Variants in RBFOX1 observed in about 807,000 individuals in gnomAD.
The protein encoded by RBFOX1 is RNA binding protein fox-1 homolog 1.
In RBFOX1, 8 loss-of-function variants were observed where a neutral mutation model predicts 57.7. The observed-to-expected ratio is 0.14, with a 90% CI of 0.08 to 0.25. The LOEUF (loss-of-function observed/expected upper bound fraction) is 0.25, where lower values mean the gene tolerates loss of function less well. Among genes scored for constraint, RBFOX1 ranks in the 10% least tolerant of loss-of-function variants. The pLI is 1.00. For missense variants in RBFOX1, 611 were observed against 548.5 expected (o/e 1.11, Z -1.14); for synonymous variants, 326 against 222.4 (o/e 1.47, Z -4.15).
rs376702864 is a variant in RBFOX1 at position 6,237,083 on chromosome 16, G to T, written c.-126-79912G>T. The stretch of plus-strand genomic sequence containing the variant: ...AAATGGAGTGTCTAAGGAAGTCTTC[G>T]GGTTTGCTTTTGTTCTGCCTGAGCC... On this transcript the variant is annotated intron_variant, in intron 1 of 15. Coordinates refer to ENST00000550418, the MANE Select transcript of RBFOX1 (RefSeq NM_018723.4). Among the ~76,000 whole-genome samples the T allele has an allele frequency of 1.7e-4, 26 of 152,236 alleles. No homozygotes were observed. The East Asian group carries it at 4.6e-3, about 27-fold the overall frequency.
intron 4 of RBFOX1, among the ~76,000 whole-genome samples, chr16:7,352,427 C>T (rs372851145): frequency 4.6e-5 from 7 of 152,124 alleles, no homozygotes; most frequent in East Asian, 1.9e-4. Flanking sequence ...TGTGGGAATG[C>T]GTAGCTATTG....
chr16:5,375,191 C>G (rs1413925072), intron 1 of RBFOX1, among the ~76,000 whole-genome samples: 1 of 151,206 alleles, frequency 6.6e-6, no homozygotes, highest in East Asian at 1.9e-4. Context: ...GAGCCTTTAG[C>G]ACTTTAATGG....
intron 2 of RBFOX1, among the ~76,000 whole-genome samples, chr16:6,369,821 C>G (rs1547953): frequency 6.6e-6 from 1 of 151,922 alleles, no homozygotes; most frequent in Non-Finnish European, 1.5e-5. Flanking sequence ...AAACAAGGAC[C>G]TAACCACAAT....
rs60494078 is a variant in RBFOX1, at chr16:6,689,792, G to A, written c.-16+35142G>A. Among the ~76,000 whole-genome samples, 1,104 of 152,252 alleles carry A rather than the reference G, an allele frequency of 7.3e-3. 12 individuals are homozygous for A. Among genetic ancestry groups the A allele is most frequent in the African/African-American group, 0.024 (979 of 41,550 alleles). On this transcript the variant is annotated intron_variant, in intron 3 of 15. Transcript: ENST00000550418. The stretch of plus-strand genomic sequence containing the variant: ...CTGTTTTGTTTCTCCGTCTTCCTAC[G>A]GGGAGAGACTCAATGCACAGACTTC...
At chr16:7,580,504 C>G (rs1507004) in intron 6 of RBFOX1, among the ~76,000 whole-genome samples, 3,895 of 152,214 alleles carry the variant, frequency 0.026, 60 homozygotes, top group South Asian at 0.055. Flanking sequence ...CTGAAGTCTA[C>G]GTTCTTCTGA....
rs1320547099 is a variant in RBFOX1, at chr16:5,250,035, CAGTGAGGAGGAGGTTGT to C, written c.219+9947_219+9963del. ...GGAGGTTGCAGTAAGGAGGAGGTTG[CAGTGAGGAGGAGGTTGT>C]AGTGAGGAGGAGGTTGCAGTGAGCC... On this transcript the variant is annotated intron_variant, in intron 1 of 2. Transcript: ENST00000585867. 1.8e-3 allele frequency among the ~76,000 whole-genome samples: 264 copies of C among 150,772 alleles called. 3 individuals are homozygous for C. In the East Asian group the frequency reaches 0.032, roughly 18 times the overall value.
At chr16:5,284,271 A>C (rs1395533301) in intron 1 of RBFOX1, among the ~76,000 whole-genome samples, 1 of 152,180 alleles carries the variant, frequency 6.6e-6, no homozygotes, top group African/African-American at 2.4e-5. Flanking sequence ...CTTTATCAGC[A>C]GTGTGAAAAC....
chr16:6,414,899 A>T (rs545506925), intron 2 of RBFOX1, among the ~76,000 whole-genome samples: 1 of 152,282 alleles, frequency 6.6e-6, no homozygotes, highest in East Asian at 1.9e-4. Flanking sequence ...CCTGCAAGGC[A>T]TGGGGTAGGA....
intron 1 of RBFOX1, among the ~76,000 whole-genome samples, chr16:6,310,931 C>G (rs1277826473): frequency 6.6e-6 from 1 of 151,660 alleles, no homozygotes; most frequent in Non-Finnish European, 1.5e-5. Context: ...GAACAGAATC[C>G]CAGACATAGG....
At chr16:7,405,539 G>A (rs2098326262) in intron 4 of RBFOX1, among the ~76,000 whole-genome samples, 2 of 152,158 alleles carry the variant, frequency 1.3e-5, no homozygotes, top group Admixed American at 1.3e-4. Flanking sequence ...TTCCTTGCAC[G>A]TTTAAATATG....
intron 3 of RBFOX1, among the ~76,000 whole-genome samples, chr16:6,962,184 T>C (rs1027128131): frequency 6.6e-6 from 1 of 152,176 alleles, no homozygotes; most frequent in African/African-American, 2.4e-5. Flanking sequence ...CCTTGGTTTA[T>C]GGCAGAATGA....
intron 4 of RBFOX1, among the ~76,000 whole-genome samples, chr16:7,176,378 T>C (rs548283427): frequency 1.3e-5 from 2 of 152,154 alleles, no homozygotes; most frequent in African/African-American, 4.8e-5. Flanking sequence ...TAGAGTGTAC[T>C]TTGTGACTAT....
intron 3 of RBFOX1, among the ~76,000 whole-genome samples, chr16:6,859,113 A>G (rs192728035): frequency 0.015 from 1,073 of 70,374 alleles, 20 homozygotes; most frequent in African/African-American, 0.04. Flanking sequence ...AAAAAAGTGT[A>G]TATATATATA....
intron 3 of RBFOX1, among the ~76,000 whole-genome samples, chr16:6,744,569 A>T (rs537532760): frequency 7.2e-5 from 11 of 152,154 alleles, no homozygotes; most frequent in Non-Finnish European, 1.2e-4. Context: ...CACTTGGAGA[A>T]TAAGCCACAC....
chr16:7,220,668 G>A (rs968867821), intron 4 of RBFOX1, among the ~76,000 whole-genome samples: 1 of 152,124 alleles, frequency 6.6e-6, no homozygotes, highest in East Asian at 1.9e-4. Flanking sequence ...CTTTGTACAT[G>A]GGGGGATGGC....
At chr16:7,707,361 T>C (rs2082797135) in intron 14 of RBFOX1, among the ~76,000 whole-genome samples, 1 of 152,086 alleles carries the variant, frequency 6.6e-6, no homozygotes, top group Non-Finnish European at 1.5e-5. Flanking sequence ...ATCACTTATC[T>C]ACCAACCATG....
intron 3 of RBFOX1, among the ~76,000 whole-genome samples, chr16:5,767,891 A>G (rs897736255): frequency 6.6e-6 from 1 of 152,072 alleles, no homozygotes; most frequent in Non-Finnish European, 1.5e-5. Flanking sequence ...ACAGCCCTTT[A>G]GTCTCATGAC....
intron 5 of RBFOX1, among the ~76,000 whole-genome samples, chr16:7,567,238 TATCC>T (rs1479617571): frequency 5.8e-5 from 3 of 51,704 alleles, no homozygotes; most frequent in African/African-American, 1.6e-4. Flanking sequence ...CCTATATATA[TATCC>T]ATATATCCCT....
chr16:6,276,736 C>G (rs1025096225), intron 1 of RBFOX1, among the ~76,000 whole-genome samples: 5 of 152,076 alleles, frequency 3.3e-5, no homozygotes, highest in African/African-American at 1.2e-4. Context: ...AAGTTCTCCT[C>G]TCTGCTGCTA....
Sources: allele counts gnomAD v4.1 joint callset (sites outside exome capture counted in the v4.1 genomes callset), GRCh38; gene constraint gnomAD v4.1.1; transcripts MANE v1.5; gene names NCBI Gene and HGNC (gene_info 2026-07-23, HGNC 2026-07-21).